The following NRXN3 variants were observed in gnomAD, a reference collection of about 807,000 sequenced individuals.
The protein encoded by NRXN3 is neurexin III.
NRXN3 carries 32 observed loss-of-function variants against 137.6 expected under a neutral mutation model. The observed-to-expected ratio is 0.23, with a 90% confidence interval of 0.18 to 0.31. NRXN3 has a LOEUF of 0.31. Among genes scored for constraint, NRXN3 ranks in the 10% least tolerant of loss-of-function variants. The pLI is 1.00. For missense variants in NRXN3, 1,574 were observed against 2,062.5 expected (o/e 0.76, Z 4.59); for synonymous variants, 798 against 784.5 (o/e 1.02, Z -0.29).
Position 79,846,696 on chromosome 14 carries a change from C to T in NRXN3, c.4094-14646C>T, listed in dbSNP as rs117471054. On this transcript the variant is annotated intron_variant, in intron 20 of 20. Coordinates refer to ENST00000335750, the MANE Select transcript of NRXN3 (RefSeq NM_001330195.2). ...TTCTTTGTGACCCTACTGTACCCTA[C>T]GCAGATTTTTGTTGACTCAATACTC... 4.9e-3 allele frequency among the ~76,000 whole-genome samples: 744 copies of T among 152,240 alleles called. 1 individual carries two copies. The highest frequency in any genetic ancestry group is 8.5e-3 in the Non-Finnish European group (579 of 68,016).
chr14:79,460,052 A>G lies in NRXN3; in HGVS notation c.3263-7169A>G, dbSNP rs77907393. ...GTAATGTGTTTCTGAAAATGTCATT[A>G]CCCCTAAGACTTACTTACAAAGGGT... is the stretch of plus-strand genomic sequence containing the variant. On this transcript the variant is annotated intron_variant, in intron 15 of 20. Transcript: ENST00000335750. Among the ~76,000 whole-genome samples, 1,179 of 152,224 alleles carry G rather than the reference A, an allele frequency of 7.7e-3. 6 individuals are homozygous for G. Among genetic ancestry groups the G allele is most frequent in the Non-Finnish European group, 0.012 (800 of 67,974 alleles).
rs539469417 is a variant in NRXN3 at position 78,937,197 on chromosome 14, A to G, written c.2276-20045A>G. Among the ~76,000 whole-genome samples, 677 of 151,900 alleles carry G rather than the reference A, an allele frequency of 4.5e-3. 6 individuals carry two copies. The highest frequency in any genetic ancestry group is 0.015 in the African/African-American group (624 of 41,520). On this transcript the variant is annotated intron_variant, in intron 10 of 20. Coordinates refer to ENST00000335750, the MANE Select transcript of NRXN3 (RefSeq NM_001330195.2). Reference sequence around the variant, plus strand: ...AGATCGTGCCATTGAAAAAAAAAAAAAAAAAGAAACAAAGAAAAGAAAAGA... The same window carrying G: ...AGATCGTGCCATTGAAAAAAAAAAAGAAAAAGAAACAAAGAAAAGAAAAGA...
rs1030171610 is a variant in NRXN3 at position 78,797,160 on chromosome 14, C to T, written c.2045-6460C>T. Among the ~76,000 whole-genome samples, 8 of 152,050 alleles carry T rather than the reference C, an allele frequency of 5.3e-5. 1 individual carries two copies. Among genetic ancestry groups the T allele is most frequent in the Middle Eastern group, 6.3e-3 (2 of 316 alleles). ...AGGGGAACCTTTCTGAGGGGGGAGA[C>T]GAGAGCCGTCTGCCGAAAATATACA... On this transcript the variant is annotated intron_variant, in intron 8 of 20. Coordinates refer to ENST00000335750, the MANE Select transcript of NRXN3 (RefSeq NM_001330195.2).
chr14:78,568,961 G>GTTTTTTTTTTTTTTTTTTTTT (rs34485878), intron 4 of NRXN3, among the ~76,000 whole-genome samples: 4 of 103,740 alleles, frequency 3.9e-5, no homozygotes, highest in African/African-American at 1.6e-4. Flanking sequence ...GACTTTGCAG[G>GTTTTTTTTTTTTTTTTTTTTT]TTTTTTTTTT....
chr14:79,685,851 T>G (rs1337374262), intron 17 of NRXN3, among the ~76,000 whole-genome samples: 1 of 152,198 alleles, frequency 6.6e-6, no homozygotes, highest in South Asian at 2.1e-4. Flanking sequence ...AAGAGAAGTC[T>G]AATATTAACA....
chr14:79,351,286 AT>A (rs2093194782), intron 15 of NRXN3, among the ~76,000 whole-genome samples: 1 of 152,192 alleles, frequency 6.6e-6, no homozygotes, highest in Non-Finnish European at 1.5e-5. Flanking sequence ...CATGGTGGGA[AT>A]TTCTCATTCT....
At chr14:79,190,617 T>C (rs2064163383) in intron 15 of NRXN3, among the ~76,000 whole-genome samples, 1 of 152,096 alleles carries the variant, frequency 6.6e-6, no homozygotes, top group Non-Finnish European at 1.5e-5. Context: ...CTCTCGATAT[T>C]CCGAGGTTAT....
At chr14:78,619,781 C>G (rs555153805) in intron 4 of NRXN3, among the ~76,000 whole-genome samples, 1 of 152,096 alleles carries the variant, frequency 6.6e-6, no homozygotes, top group Non-Finnish European at 1.5e-5. Flanking sequence ...TCAATTAAAC[C>G]TCTTTCCTTT....
intron 4 of NRXN3, among the ~76,000 whole-genome samples, chr14:78,549,057 T>C (rs759042437): frequency 3.3e-5 from 5 of 152,228 alleles, no homozygotes; most frequent in Non-Finnish European, 5.9e-5. Context: ...TCCCCCTTTC[T>C]GACATGGAAA....
chr14:78,633,087 T>A (rs982582297), intron 4 of NRXN3, among the ~76,000 whole-genome samples: 6 of 142,320 alleles, frequency 4.2e-5, no homozygotes, highest in Non-Finnish European at 9.4e-5. Context: ...TATAAAAAAA[T>A]AAAAAATTAA....
intron 10 of NRXN3, among the ~76,000 whole-genome samples, chr14:78,917,625 G>A (rs1048255346): frequency 6.6e-6 from 1 of 152,198 alleles, no homozygotes; most frequent in Non-Finnish European, 1.5e-5. Flanking sequence ...ATGAAAGAAG[G>A]TGTAGAAGAG....
intron 15 of NRXN3, among the ~76,000 whole-genome samples, chr14:79,073,576 C>A (rs2099691188): frequency 6.6e-6 from 1 of 152,108 alleles, no homozygotes; most frequent in Non-Finnish European, 1.5e-5. Context: ...TGGCTTAGGT[C>A]CTTAAAGAAA....
intron 8 of NRXN3, among the ~76,000 whole-genome samples, chr14:78,759,852 T>C (rs2098685859): frequency 2.0e-5 from 3 of 152,132 alleles, no homozygotes; most frequent in Admixed American, 2.0e-4. Context: ...ATTGAGTGCT[T>C]ACTTTCTGTC....
chr14:78,468,756 G>A (rs1445300874), intron 4 of NRXN3, among the ~76,000 whole-genome samples: 2 of 152,158 alleles, frequency 1.3e-5, no homozygotes, highest in African/African-American at 4.8e-5. Context: ...ATCCAGTAGA[G>A]CAGTTAAGAA....
intron 15 of NRXN3, among the ~76,000 whole-genome samples, chr14:79,159,998 A>G (rs2060610112): frequency 6.6e-6 from 1 of 151,900 alleles, no homozygotes; most frequent in East Asian, 1.9e-4. Context: ...TACTCATTGG[A>G]ATGAAATGGC....
chr14:78,904,732 T>C (rs1046858174), intron 10 of NRXN3, among the ~76,000 whole-genome samples: 1 of 151,988 alleles, frequency 6.6e-6, no homozygotes, highest in African/African-American at 2.4e-5. Context: ...TCCTAGATAC[T>C]GTTATTCTTT....
At chr14:79,539,064 G>C (rs914119831) in intron 16 of NRXN3, among the ~76,000 whole-genome samples, 10 of 152,120 alleles carry the variant, frequency 6.6e-5, no homozygotes, top group Admixed American at 2.6e-4. Flanking sequence ...TTTGTTTGTT[G>C]GTTGGTTGGT....
chr14:78,980,342 A>G (rs1169428479), intron 14 of NRXN3, among the ~76,000 whole-genome samples: 2 of 152,212 alleles, frequency 1.3e-5, no homozygotes, highest in Non-Finnish European at 2.9e-5. Context: ...GTCTGGCTAG[A>G]ACCAGGTGGT....
rs550588127 is a variant in NRXN3, at chr14:78,730,825, A to G, written c.2044+15686A>G. 6.6e-5 allele frequency among the ~76,000 whole-genome samples: 10 copies of G among 152,326 alleles called. No homozygotes were observed. In the South Asian group the frequency reaches 2.1e-3, roughly 32 times the overall value. On this transcript the variant is annotated intron_variant, in intron 8 of 20. Coordinates refer to ENST00000335750, the MANE Select transcript of NRXN3 (RefSeq NM_001330195.2). Reference sequence around the variant, plus strand: ...GGTATATCAATCTCTAATTGGGGAAATGATTTGGCTGCAGCACAAAGGAGC... The same window carrying G: ...GGTATATCAATCTCTAATTGGGGAAGTGATTTGGCTGCAGCACAAAGGAGC...
Sources: allele counts gnomAD v4.1 joint callset (sites outside exome capture counted in the v4.1 genomes callset), GRCh38; gene constraint gnomAD v4.1.1; transcripts MANE v1.5; gene names NCBI Gene and HGNC (gene_info 2026-07-23, HGNC 2026-07-21).